Variants in PIEZO1 observed in about 807,000 individuals in gnomAD.
The protein encoded by PIEZO1 is piezo type mechanosensitive ion channel component 1 (Er blood group).
A neutral mutation model predicts 297.2 loss-of-function variants in PIEZO1; 296 were observed. The observed-to-expected ratio is 1.00, with a 90% CI of 0.91 to 1.10. The LOEUF (loss-of-function observed/expected upper bound fraction) is 1.10, where lower values mean the gene tolerates loss of function less well. Among genes scored for constraint, PIEZO1 ranks in the 50% least tolerant of loss-of-function variants. The pLI is 0.00. For synonymous variants in PIEZO1, 2,427 were observed against 1,507.5 expected (o/e 1.61, Z -14.13); for missense variants, 5,018 against 3,455.5 (o/e 1.45, Z -11.34).
chr16:88,723,516 G>C (rs1401516667), intron 31 of PIEZO1, among the ~76,000 whole-genome samples, 188 bp from the exon 32 acceptor site: 1 of 152,244 alleles, frequency 6.6e-6, no homozygotes, highest in Non-Finnish European at 1.5e-5. Flanking sequence ...CACCCATTCA[G>C]GAGTTGGGTG....
In PIEZO1 at chr16:88,731,779, G is replaced by A. The variant is rs759294984; in HGVS notation, c.3123C>T (p.Tyr1041=). ...GCAGGAACAGCGCCAGGAAGAGGCA[G>A]TAGTTGGGCCAGAGGCGGGCAATGG... ...RQAIARLWPN[Y]CLFLALFLLY... is the part of the protein sequence containing the mutation. Residue 1041 remains tyrosine (Y), a synonymous_variant, in exon 22 of 51, where the codon TAC becomes TAT. Transcript: ENST00000301015. 5.8e-6 allele frequency: 9 copies of A among 1,549,660 alleles called. No homozygotes were observed. In the South Asian group the frequency reaches 9.5e-5, roughly 16 times the overall value.
intron 4 of PIEZO1, 88 bp downstream of exon 4, chr16:88,741,965 C>T (rs1325857848): frequency 2.8e-6 from 4 of 1,411,036 alleles, no homozygotes; most frequent in Non-Finnish European, 3.8e-6. Context: ...TCCAGGTCCC[C>T]CTCTGTCCCT....
At chr16:88,777,514 G>A (rs1197329194) in intron 1 of PIEZO1, among the ~76,000 whole-genome samples, 1 of 152,076 alleles carries the variant, frequency 6.6e-6, no homozygotes, top group Non-Finnish European at 1.5e-5. Context: ...CAGACACATT[G>A]CGGGGTCCTC....
intron 6 of PIEZO1, 37 bp from the exon 7 acceptor site, chr16:88,738,477 G>T: frequency 6.5e-7 from 1 of 1,531,368 alleles, no homozygotes; most frequent in Non-Finnish European, 8.7e-7. Context: ...TACCTGGCCA[G>T]TGCCATGTGT....
chr16:88,722,129 T>G (rs1487659049), intron 36 of PIEZO1, 63 bp from the exon 37 acceptor site: 1 of 1,523,098 alleles, frequency 6.6e-7, no homozygotes, highest in East Asian at 2.5e-5. Context: ...CGGCCCGATC[T>G]GTTGCCGGTC....
Position 88,727,044 on chromosome 16 carries a change from G to A in PIEZO1, c.3450C>T (p.His1150=). The change falls in exon 24 of 51, where the codon CAC becomes CAT. Residue 1150 remains histidine (H), a synonymous_variant. Transcript: ENST00000301015. ...GEPNPVPNFI[H]CRSYLDMLKV... ...GAGGGTGACGTGGAACCCACCTGCA[G>A]TGGATAAAGTTGGGCACGGGGTTGG... The A allele has an allele frequency of 6.5e-7, 1 of 1,548,672 alleles. No homozygotes were observed. Among genetic ancestry groups the A allele is most frequent in the South Asian group, 1.2e-5 (1 of 83,998 alleles).
chr16:88,775,628 C>T (rs896315992), intron 1 of PIEZO1, among the ~76,000 whole-genome samples: 6 of 148,014 alleles, frequency 4.1e-5, no homozygotes, highest in Non-Finnish European at 7.4e-5. Flanking sequence ...ACTTGGGAGG[C>T]TAAGGCAGGA....
At chr16:88,784,800 C>T (rs1452128617) in intron 1 of PIEZO1, 101 bp downstream of exon 1, 7 of 858,474 alleles carry the variant, frequency 8.2e-6, no homozygotes, top group East Asian at 3.8e-5. Context: ...CGCCCGCTCG[C>T]CCGCAGCCCT....
Position 88,726,791 on chromosome 16 carries a change from G to C in PIEZO1, c.3623C>G (p.Thr1208Arg), listed in dbSNP as rs957855312. The C allele has an allele frequency of 6.5e-7, 1 of 1,550,280 alleles. No homozygotes were observed. Among genetic ancestry groups the C allele is most frequent in the African/African-American group, 1.4e-5 (1 of 73,146 alleles). ...LFGTALLQRD[T>R]RARLVLWDCL... is the part of the protein sequence containing the mutation. ...GTCCCACAGCACGAGGCGGGCCCGT[G>C]TGTCCCTCTGCAGCAGGGCCGTGCC... Residue 1208 changes from threonine to arginine, a missense_variant, in exon 25 of 51, where the codon ACA (threonine) becomes AGA (arginine). Thr to Arg is a moderately conservative substitution (Grantham distance 71, BLOSUM62 -1). Coordinates refer to ENST00000301015, the MANE Select transcript of PIEZO1 (RefSeq NM_001142864.4).
chr16:88,739,029 C>A (rs998841663), intron 5 of PIEZO1: 2 of 496,466 alleles, frequency 4.0e-6, no homozygotes, highest in Non-Finnish European at 7.3e-6. Context: ...ATGACCTTGC[C>A]AGGTACAGAC....
At chr16:88,784,277 C>A (rs563194912) in intron 1 of PIEZO1, among the ~76,000 whole-genome samples, 1 of 152,346 alleles carries the variant, frequency 6.6e-6, no homozygotes, top group South Asian at 2.1e-4. Flanking sequence ...GAAACTGAGC[C>A]CAGTAGGGCA....
chr16:88,715,448 C>T lies in PIEZO1; in HGVS notation c.*157G>A. On this transcript the variant is annotated 3_prime_UTR_variant, in exon 51 of 51. Coordinates refer to ENST00000301015, the MANE Select transcript of PIEZO1 (RefSeq NM_001142864.4). ...GGCCGTGGGGACGCAGTGTCCTTCT[C>T]TGACAGCAGCATCAGGGCTCAGGCA... 3 of 955,138 alleles carry T rather than the reference C, an allele frequency of 3.1e-6. No individual in the cohort carries two copies. The highest frequency in any genetic ancestry group is 4.6e-6 in the Non-Finnish European group (3 of 648,304). The allele number at this position is 955,138 out of a possible 1,614,324, so 59.2% of individuals were successfully genotyped here. A position where few individuals can be genotyped will look rare whatever the true frequency, so the allele number is the denominator to read the frequency against.
In PIEZO1 at chr16:88,742,391, C is replaced by A. The variant is rs978660884; in HGVS notation, c.192G>T (p.Leu64=). The part of the protein sequence containing the change: ...GHTGRLLRAL[L]GLSLLFLVAH... ...CCACCAGGAAGAGCAGGCTGAGGCC[C>A]AGCAATGCCCGCAGGAGGCGGCCTG... Residue 64 remains leucine, a synonymous_variant, in exon 3 of 51, where the codon CTG becomes CTT. Transcript: ENST00000301015. The A allele has an allele frequency of 2.6e-6, 4 of 1,535,174 alleles. No homozygotes were observed. In the African/African-American group the frequency reaches 5.5e-5, roughly 21 times the overall value.
Position 88,731,804 on chromosome 16 carries a change from G to C in PIEZO1, c.3098C>G (p.Ala1033Gly), listed in dbSNP as rs968578513. Residue 1033 changes from alanine to glycine, a missense_variant, in exon 22 of 51, where the codon GCC becomes GGC. Coordinates refer to ENST00000301015, the MANE Select transcript of PIEZO1 (RefSeq NM_001142864.4). ...VAILTRRHRQ[A>G]IARLWPNYCL... is the part of the protein sequence containing the mutation. ...GTAGTTGGGCCAGAGGCGGGCAATG[G>C]CCTGGCGGTGCCTGCGGGTGAGGAT... is the stretch of plus-strand genomic sequence containing the variant. The C allele has an allele frequency of 6.5e-7, 1 of 1,547,032 alleles. No homozygotes were observed. The highest frequency in any genetic ancestry group is 8.7e-7 in the Non-Finnish European group (1 of 1,145,818).
intron 23 of PIEZO1, among the ~76,000 whole-genome samples, 156 bp downstream of exon 23, chr16:88,727,401 T>TGCGC (rs780874440): frequency 2.0e-4 from 30 of 148,834 alleles, no homozygotes; most frequent in South Asian, 6.2e-4. Flanking sequence ...GGCTGAGGTC[T>TGCGC]GCGTGCGTGC....
intron 1 of PIEZO1, among the ~76,000 whole-genome samples, chr16:88,775,738 A>AAG: frequency 6.6e-6 from 1 of 151,882 alleles, no homozygotes; most frequent in East Asian, 1.9e-4. Flanking sequence ...AAAAAAAAAA[A>AAG]AAAAAAGAAA....
chr16:88,784,030 C>G (rs1001707640), intron 1 of PIEZO1, among the ~76,000 whole-genome samples: 1 of 152,228 alleles, frequency 6.6e-6, no homozygotes, highest in African/African-American at 2.4e-5. Flanking sequence ...GGGGAGCCCC[C>G]GGGCGGAGGG....
chr16:88,753,679 G>A (rs1309816081), intron 1 of PIEZO1, among the ~76,000 whole-genome samples: 2 of 152,212 alleles, frequency 1.3e-5, no homozygotes, highest in Non-Finnish European at 2.9e-5. Flanking sequence ...ACGGCTTTTC[G>A]AAACACTCCT....
Position 88,719,995 on chromosome 16 carries a change from G to T in PIEZO1, c.6165-35C>A, listed in dbSNP as rs886266453. The T allele has an allele frequency of 2.0e-5, 31 of 1,549,450 alleles. No homozygotes were observed. In the East Asian group the frequency reaches 7.6e-4, roughly 38 times the overall value. ...GATGGCCAGGTCAAGGACCCCATCAGAAACAGCCCCGCAGGGCCCCCAGCC... is the reference window on the plus strand; with the variant it reads ...GATGGCCAGGTCAAGGACCCCATCATAAACAGCCCCGCAGGGCCCCCAGCC... On this transcript the variant is annotated intron_variant, in intron 42 of 50. Coordinates refer to ENST00000301015, the MANE Select transcript of PIEZO1 (RefSeq NM_001142864.4).
Sources: gnomAD v4.1 joint callset for allele counts (sites outside exome capture counted in the v4.1 genomes callset) on GRCh38, gnomAD v4.1.1 for gene constraint, MANE v1.5 for transcripts, NCBI Gene and HGNC (gene_info 2026-07-23, HGNC 2026-07-21) for gene names.